DOK6: variants seen among roughly 807,000 people sequenced by gnomAD.
DOK6 encodes docking protein 6.
A neutral mutation model predicts 44.0 loss-of-function variants in DOK6; 22 were observed. The observed-to-expected ratio is 0.50, with a 90% CI of 0.36 to 0.71. DOK6 has a LOEUF of 0.71. Among genes scored for constraint, DOK6 ranks in the 30% least tolerant of loss-of-function variants. The probability of loss-of-function intolerance (pLI) is 0.00; values close to 1 mark genes in which losing one functional copy is unlikely to be tolerated. For synonymous variants in DOK6, 166 were observed against 145.5 expected, an observed-to-expected ratio of 1.14 and a Z score of -1.01; for missense variants, 340 against 416.4, an observed-to-expected ratio of 0.82 and a Z score of 1.60.
intron 7 of DOK6, among the ~76,000 whole-genome samples, chr18:69,792,044 C>G (rs544204764): frequency 6.6e-6 from 1 of 152,126 alleles, no homozygotes; most frequent in East Asian, 1.9e-4. Context: ...GTGACTTTGT[C>G]AAAAATGAAT....
chr18:69,490,472 A>C (rs1440367318), intron 1 of DOK6, among the ~76,000 whole-genome samples: 1 of 152,182 alleles, frequency 6.6e-6, no homozygotes, highest in Non-Finnish European at 1.5e-5. Flanking sequence ...TCAAGTTAAG[A>C]AGGGGTTTTA....
chr18:69,660,415 C>A (rs756041071), intron 3 of DOK6: 2 of 152,124 alleles, frequency 1.3e-5, no homozygotes, highest in Non-Finnish European at 2.9e-5. Context: ...TGAGGCTAAC[C>A]ACTTTCTCTC....
intron 2 of DOK6, among the ~76,000 whole-genome samples, chr18:69,588,954 G>GC (rs34668003): frequency 6.6e-6 from 1 of 152,042 alleles, no homozygotes; most frequent in East Asian, 1.9e-4. Context: ...TTGTGTCAGA[G>GC]CACATGTCTG....
intron 2 of DOK6, among the ~76,000 whole-genome samples, chr18:69,574,684 G>A (rs1983196759): frequency 6.6e-6 from 1 of 151,950 alleles, no homozygotes; most frequent in South Asian, 2.1e-4. Flanking sequence ...AAATTGCATG[G>A]GGCAATAATT....
chr18:69,506,619 A>G (rs545249805), intron 1 of DOK6, among the ~76,000 whole-genome samples: 291 of 152,290 alleles, frequency 1.9e-3, no homozygotes, highest in African/African-American at 6.4e-3. Flanking sequence ...TTCTTTAAAT[A>G]GACCTATCAC....
chr18:69,571,225 A>G (rs561613075), intron 2 of DOK6, among the ~76,000 whole-genome samples: 7 of 151,994 alleles, frequency 4.6e-5, no homozygotes, highest in Non-Finnish European at 7.4e-5. Context: ...TAACATTTTT[A>G]AGTTAACATA....
chr18:69,650,229 T>G (rs182043577), intron 3 of DOK6, among the ~76,000 whole-genome samples: 39 of 152,284 alleles, frequency 2.6e-4, no homozygotes, highest in African/African-American at 9.1e-4. Context: ...ATTTTATGTA[T>G]TTGTGAAGAG....
At chr18:69,544,025 G>T (rs545475078) in intron 1 of DOK6, among the ~76,000 whole-genome samples, 22 of 151,142 alleles carry the variant, frequency 1.5e-4, no homozygotes, top group African/African-American at 5.3e-4. Flanking sequence ...TTGCGGGGCT[G>T]AGGTGGGTGG....
At chr18:69,754,355 A>AG (rs1979287291) in intron 6 of DOK6, among the ~76,000 whole-genome samples, 1 of 150,730 alleles carries the variant, frequency 6.6e-6, no homozygotes, top group African/African-American at 2.5e-5. Flanking sequence ...TATCTCCAAA[A>AG]AAAAAAAAAA....
intron 1 of DOK6, among the ~76,000 whole-genome samples, chr18:69,498,424 C>A (rs1246522262): frequency 6.6e-6 from 1 of 152,082 alleles, no homozygotes; most frequent in African/African-American, 2.4e-5. Flanking sequence ...GGATGAGTCC[C>A]AGACAGGGCC....
intron 1 of DOK6, among the ~76,000 whole-genome samples, chr18:69,496,714 C>T (rs868060969): frequency 1.3e-5 from 2 of 152,106 alleles, no homozygotes; most frequent in East Asian, 1.9e-4. Flanking sequence ...CATATTTTCT[C>T]ATGGTATTCT....
chr18:69,507,742 C>T (rs1981235642), intron 1 of DOK6, among the ~76,000 whole-genome samples: 1 of 151,910 alleles, frequency 6.6e-6, no homozygotes, highest in Non-Finnish European at 1.5e-5. Context: ...CAGTGCTAAA[C>T]TCACTTGTTA....
intron 2 of DOK6, among the ~76,000 whole-genome samples, chr18:69,587,538 G>A (rs1599207825): frequency 2.0e-5 from 3 of 152,028 alleles, no homozygotes; most frequent in African/African-American, 7.2e-5. Flanking sequence ...AGGTTCTAGG[G>A]ACTAGGACTT....
At chr18:69,584,342 A>G (rs1007493806) in intron 2 of DOK6, among the ~76,000 whole-genome samples, 7 of 151,954 alleles carry the variant, frequency 4.6e-5, no homozygotes, top group African/African-American at 7.3e-5. Context: ...GCTGGAGTGC[A>G]GTGGCACAAC....
At chr18:69,466,065 CATT>C (rs1979917729) in intron 1 of DOK6, among the ~76,000 whole-genome samples, 1 of 152,116 alleles carries the variant, frequency 6.6e-6, no homozygotes, top group Non-Finnish European at 1.5e-5. Flanking sequence ...GGTAAGTATA[CATT>C]ATTATTAACT....
chr18:69,794,669 C>A (rs1274619409), intron 7 of DOK6, among the ~76,000 whole-genome samples: 1 of 152,114 alleles, frequency 6.6e-6, no homozygotes, highest in African/African-American at 2.4e-5. Context: ...TGGTTTATGG[C>A]CTGTTAGAAA....
intron 1 of DOK6, among the ~76,000 whole-genome samples, chr18:69,553,649 G>A (rs753847661): frequency 2.6e-5 from 4 of 152,164 alleles, no homozygotes; most frequent in Non-Finnish European, 5.9e-5. Flanking sequence ...TGCTCAACAA[G>A]TGTGGATTTA....
intron 7 of DOK6, among the ~76,000 whole-genome samples, chr18:69,803,922 A>T (rs1242934096): frequency 6.6e-6 from 1 of 152,186 alleles, no homozygotes; most frequent in Non-Finnish European, 1.5e-5. Flanking sequence ...AAGTTGCAGG[A>T]AGAAATAGAA....
At position 69,765,027 on chromosome 18, in the gene DOK6, G is replaced by A. The variant is rs573123600; in HGVS notation, c.856+7154G>A. 2.6e-5 allele frequency among the ~76,000 whole-genome samples: 4 copies of A among 152,284 alleles called. No homozygotes were observed. In the South Asian group the frequency reaches 8.3e-4, roughly 32 times the overall value. ...TCTCAGAAGGACAGGATGGAAATAG[G>A]CAATTAGAATTAGAGATAACCTTCA... On this transcript the variant is annotated intron_variant, in intron 7 of 7. Coordinates refer to ENST00000382713, the MANE Select transcript of DOK6 (RefSeq NM_152721.6).
Sources: gnomAD v4.1 joint callset for allele counts (sites outside exome capture counted in the v4.1 genomes callset) on GRCh38, gnomAD v4.1.1 for gene constraint, MANE v1.5 for transcripts, NCBI Gene and HGNC (gene_info 2026-07-23, HGNC 2026-07-21) for gene names.